The following BRD4 variants were observed in gnomAD, a reference collection of about 807,000 sequenced individuals.
The protein encoded by BRD4 is bromodomain-containing protein 4.
In BRD4, 16 loss-of-function variants were observed where a neutral mutation model predicts 142.1. The observed-to-expected ratio is 0.11, with a 90% CI of 0.08 to 0.17. The LOEUF (loss-of-function observed/expected upper bound fraction) is 0.17. BRD4 is among the 10% of genes least tolerant of loss of function. The pLI, the probability that BRD4 is intolerant of heterozygous loss-of-function variation, is 1.00. For missense variants in BRD4, 1,424 were observed against 1,810.9 expected (o/e 0.79, Z 3.88); for synonymous variants, 833 against 707.5 (o/e 1.18, Z -2.82).
At chr19:15,272,719 C>T in intron 2 of BRD4, 96 bp downstream of exon 2, 2 of 1,194,512 alleles carry the variant, frequency 1.7e-6, no homozygotes, top group East Asian at 2.6e-5. Context: ...ATTCCAAATG[C>T]ATCTCCTACC....
At chr19:15,276,367 C>T (rs982481548) in intron 1 of BRD4, among the ~76,000 whole-genome samples, 1 of 152,162 alleles carries the variant, frequency 6.6e-6, no homozygotes, top group African/African-American at 2.4e-5. Context: ...GCGGTTCCCC[C>T]CAACCCCACA....
At position 15,238,227 on chromosome 19, in the gene BRD4, G is replaced by A. The variant is rs2047209453; in HGVS notation, c.*150C>T. On this transcript the variant is annotated 3_prime_UTR_variant, in exon 20 of 20. Transcript: ENST00000679869. This position sits in a 1 kb window ranked among gnomAD's most constrained non-coding sequence, Gnocchi z 7.2. ...CAGACAGGCTCTGCAATCCTCAGCT[G>A]CCCGTCAGGCCTGCCCCGGGCATAG... 4 of 1,299,892 alleles carry A rather than the reference G, an allele frequency of 3.1e-6. No individual in the cohort carries two copies. In the South Asian group the frequency reaches 5.9e-5, roughly 19 times the overall value. The allele number at this position is 1,299,892 out of a possible 1,614,324, so 80.5% of individuals were successfully genotyped here. A position where few individuals can be genotyped will look rare whatever the true frequency, so the allele number is the denominator to read the frequency against.
At chr19:15,287,992 C>T (rs2047752998) in intron 1 of BRD4, among the ~76,000 whole-genome samples, 2 of 152,092 alleles carry the variant, frequency 1.3e-5, no homozygotes. Flanking sequence ...TGATCTCAAA[C>T]TCCTGACTTA....
intron 1 of BRD4, among the ~76,000 whole-genome samples, chr19:15,300,842 A>C (rs531991805): frequency 5.3e-5 from 8 of 152,278 alleles, no homozygotes; most frequent in South Asian, 4.1e-4. Flanking sequence ...GAGGGCGAAA[A>C]ATGATGCAAC....
chr19:15,299,375 C>CT (rs1408387935), intron 1 of BRD4, among the ~76,000 whole-genome samples: 1 of 152,172 alleles, frequency 6.6e-6, no homozygotes, highest in Non-Finnish European at 1.5e-5. Context: ...CCATCAAAGT[C>CT]TTTTACCCAT....
chr19:15,315,152 GT>G (rs766690592), intron 1 of BRD4, among the ~76,000 whole-genome samples: 86 of 148,790 alleles, frequency 5.8e-4, no homozygotes, highest in East Asian at 9.8e-4. Flanking sequence ...GACTGGCTTT[GT>G]TTTTTTTTTC....
At chr19:15,242,759 C>G (rs751819349) in intron 14 of BRD4, 141 bp downstream of exon 14, 72 of 1,339,616 alleles carry the variant, frequency 5.4e-5, no homozygotes, top group Non-Finnish European at 7.1e-5. Flanking sequence ...ACCAATGACC[C>G]TTCCAGGTCC....
chr19:15,270,476 G>A (rs1773022557), intron 2 of BRD4, among the ~76,000 whole-genome samples: 1 of 152,188 alleles, frequency 6.6e-6, no homozygotes, highest in African/African-American at 2.4e-5. Flanking sequence ...TTTCCCAAGA[G>A]AACCAAGTCT....
At chr19:15,273,248 G>T (rs1455393306) in intron 1 of BRD4, 115 bp from the exon 2 acceptor site, 4 of 1,072,234 alleles carry the variant, frequency 3.7e-6, no homozygotes, top group African/African-American at 3.2e-5. Flanking sequence ...GCGGTAGCTA[G>T]CCAAGTTGGC....
intron 1 of BRD4, chr19:15,280,281 C>A (rs909251492): frequency 2.0e-6 from 2 of 1,009,010 alleles, no homozygotes; most frequent in Non-Finnish European, 2.4e-6. Flanking sequence ...AGTGGCAACA[C>A]CCACAAGGGG....
chr19:15,321,816 T>A (rs2048063550), intron 1 of BRD4, among the ~76,000 whole-genome samples: 1 of 152,186 alleles, frequency 6.6e-6, no homozygotes, highest in Non-Finnish European at 1.5e-5. Context: ...TACTTCTTGT[T>A]TCACCTGTGG....
intron 1 of BRD4, among the ~76,000 whole-genome samples, chr19:15,302,976 C>G (rs2047883685): frequency 6.7e-6 from 1 of 149,704 alleles, no homozygotes; most frequent in Admixed American, 6.7e-5. Context: ...CCACTGCACT[C>G]CAGCCTGGGC....
intron 11 of BRD4, among the ~76,000 whole-genome samples, chr19:15,249,544 A>T (rs182135999): frequency 4.9e-4 from 75 of 152,298 alleles, no homozygotes; most frequent in African/African-American, 1.8e-3. Context: ...CAGCCTGCTC[A>T]GCTTCTAGAG....
intron 1 of BRD4, among the ~76,000 whole-genome samples, chr19:15,290,768 T>C (rs1397728458): frequency 6.6e-6 from 1 of 152,166 alleles, no homozygotes; most frequent in Non-Finnish European, 1.5e-5. Flanking sequence ...CATACCCATA[T>C]GTACGAAAAC....
intron 11 of BRD4, chr19:15,253,133 G>C (rs563178616): frequency 1.5e-5 from 4 of 274,656 alleles, no homozygotes; most frequent in Middle Eastern, 1.0e-3. Flanking sequence ...TGAGACCCTA[G>C]GGCCAGCTCT....
chr19:15,247,565 C>CGCGT lies in BRD4; in HGVS notation c.2159-2807_2159-2804dup, dbSNP rs141281540. 2.6e-3 allele frequency: 601 copies of CGCGT among 232,916 alleles called. 16 individuals carry two copies. In the East Asian group the frequency reaches 0.033, roughly 13 times the overall value. The allele number at this position is 232,916 out of a possible 1,614,324, so 14.4% of individuals were successfully genotyped here. ...TATGGCCCATGTGCACACGTGTGTG[C>CGCGT]GCGTGCGTGCGTGTGTCGGGGGCAG... On this transcript the variant is annotated intron_variant, in intron 11 of 19. Transcript: ENST00000679869.
At chr19:15,243,542 G>GGT in intron 13 of BRD4, 55 bp from the exon 14 acceptor site, 1 of 1,488,778 alleles carries the variant, frequency 6.7e-7, no homozygotes, top group Non-Finnish European at 8.9e-7. Context: ...GCCCCAGCCT[G>GGT]GCCTTTCTGC....
intron 4 of BRD4, among the ~76,000 whole-genome samples, chr19:15,266,765 G>A (rs575553508): frequency 2.0e-5 from 3 of 152,272 alleles, no homozygotes; most frequent in African/African-American, 7.2e-5. Context: ...TCACACTCAG[G>A]GACCACCTCG....
intron 1 of BRD4, among the ~76,000 whole-genome samples, chr19:15,312,436 C>A (rs2047979652): frequency 6.6e-6 from 1 of 152,142 alleles, no homozygotes; most frequent in South Asian, 2.1e-4. Context: ...GAGTTCAAGA[C>A]CAGCCTGGCC....
Sources: allele counts gnomAD v4.1 joint callset (sites outside exome capture counted in the v4.1 genomes callset), GRCh38; gene constraint gnomAD v4.1.1; non-coding constraint Gnocchi (gnomAD v3.1); transcripts MANE v1.5; gene names NCBI Gene and HGNC (gene_info 2026-07-23, HGNC 2026-07-21).